Variants in WDR31 observed in about 807,000 individuals in gnomAD.
WDR31 encodes the protein WD repeat-containing protein 31.
Under a neutral mutation model 47.3 loss-of-function variants are expected in WDR31, and 30 were observed. That is an observed-to-expected ratio of 0.63 (90% confidence interval 0.47 to 0.86). WDR31 has a LOEUF of 0.86. Among genes scored for constraint, WDR31 ranks in the 40% least tolerant of loss-of-function variants. WDR31 has a pLI of 0.00. For missense variants in WDR31, 406 were observed against 442.9 expected, an observed-to-expected ratio of 0.92 and a Z score of 0.75; for synonymous variants, 137 against 159.4, an observed-to-expected ratio of 0.86 and a Z score of 1.06.
intron 4 of WDR31, among the ~76,000 whole-genome samples, chr9:113,329,516 T>C (rs538511803): frequency 5.1e-4 from 77 of 150,704 alleles, no homozygotes; most frequent in African/African-American, 1.8e-3. Context: ...GGCACATGCC[T>C]GTAATCCCAG....
intron 1 of WDR31, among the ~76,000 whole-genome samples, chr9:113,337,530 A>G (rs1287095670): frequency 6.6e-6 from 1 of 150,418 alleles, no homozygotes; most frequent in African/African-American, 2.4e-5. Context: ...CAGTGGTGCA[A>G]CCTGGGCTCA....
At chr9:113,322,730 C>G in intron 7 of WDR31, 81 bp downstream of exon 7, 1 of 1,426,022 alleles carries the variant, frequency 7.0e-7, no homozygotes, top group South Asian at 1.3e-5. Context: ...GCTCATGGGC[C>G]TCCTGATTTA....
rs1833263585 is a variant in WDR31, at chr9:113,318,657, A to G, written c.781-20T>C. 2 of 1,613,294 alleles carry G rather than the reference A, an allele frequency of 1.2e-6. No individual in the cohort carries two copies. Among genetic ancestry groups the G allele is most frequent in the Non-Finnish European group, 1.7e-6 (2 of 1,179,436 alleles). Reference sequence around the variant, plus strand: ...CCACAACTGCAAAGTAATGACATGGACCAGCTCATAGTCACTTGTCTAGCT... The same window carrying G: ...CCACAACTGCAAAGTAATGACATGGGCCAGCTCATAGTCACTTGTCTAGCT... On this transcript the variant is annotated intron_variant, in intron 9 of 10. Coordinates refer to ENST00000374193, the MANE Select transcript of WDR31 (RefSeq NM_001012361.4).
intron 4 of WDR31, 21 bp downstream of exon 4, chr9:113,330,963 G>A (rs754509648): frequency 9.6e-6 from 15 of 1,564,778 alleles, no homozygotes; most frequent in Admixed American, 5.5e-5. Flanking sequence ...TTCATTTCCC[G>A]GGAAACACTG....
intron 2 of WDR31, among the ~76,000 whole-genome samples, chr9:113,335,310 T>C (rs1446038247): frequency 3.3e-5 from 5 of 152,200 alleles, no homozygotes; most frequent in Non-Finnish European, 5.9e-5. Context: ...GAACATTTGC[T>C]GGGACCGAAG....
At chr9:113,317,059 C>G (rs1455350896) in intron 10 of WDR31, 150 bp from the exon 11 acceptor site, 1 of 995,908 alleles carries the variant, frequency 1.0e-6, no homozygotes, top group Non-Finnish European at 1.4e-6. Flanking sequence ...GAAAGCATAC[C>G]AGGGAGGTCA....
intron 8 of WDR31, among the ~76,000 whole-genome samples, chr9:113,320,883 A>G (rs796933262): frequency 1.3e-5 from 2 of 152,342 alleles, no homozygotes; most frequent in African/African-American, 4.8e-5. Flanking sequence ...ATCAGTCATC[A>G]TTCAGAATTA....
Position 113,329,195 on chromosome 9 carries a change from A to C in WDR31, c.250-240T>G, listed in dbSNP as rs2118830306. 2.0e-5 allele frequency among the ~76,000 whole-genome samples: 3 copies of C among 152,290 alleles called. No individual in the cohort carries two copies. The South Asian group carries it at 6.2e-4, about 32-fold the overall frequency. On this transcript the variant is annotated intron_variant, in intron 4 of 10. Transcript: ENST00000374193. ...CTCCGACACTGGACCACTGCTCTAAACTTACTGATGGGTTTGGGCTAACAT... is the reference window on the plus strand; with the variant it reads ...CTCCGACACTGGACCACTGCTCTAACCTTACTGATGGGTTTGGGCTAACAT...
intron 7 of WDR31, 45 bp from the exon 8 acceptor site, chr9:113,321,623 C>T: frequency 5.1e-6 from 8 of 1,566,052 alleles, no homozygotes; most frequent in Non-Finnish European, 7.0e-6. Flanking sequence ...CCAAGTCATT[C>T]CTCTGCTGTA....
At chr9:113,325,904 CTTTATTT>C (rs11470770) in intron 5 of WDR31, among the ~76,000 whole-genome samples, 28,875 of 151,594 alleles carry the variant, frequency 0.19, 4,177 homozygotes, top group African/African-American at 0.41. Context: ...CATTCACATT[CTTTATTT>C]TTTATTTTTT....
chr9:113,317,102 G>A (rs189165548), intron 10 of WDR31, among the ~76,000 whole-genome samples, 193 bp from the exon 11 acceptor site: 1 of 152,332 alleles, frequency 6.6e-6, no homozygotes, highest in Admixed American at 6.5e-5. Context: ...TTCAATGGTA[G>A]AGAATGGCAC....
At position 113,316,848 on chromosome 9, in the gene WDR31, G is replaced by C; in HGVS notation, c.1005C>G (p.Asp335Glu). The change falls in exon 11 of 11, where the codon GAC becomes GAG. Residue 335 changes from aspartate (D) to glutamate (E), a missense_variant. Coordinates refer to ENST00000374193, the MANE Select transcript of WDR31 (RefSeq NM_001012361.4). ...AACTTGCACACAATAAGGAGATGGC[G>C]TCACCAACAGCCAGAGAAGTCAAGG... is the stretch of plus-strand genomic sequence containing the variant. ...SGPLTSLAVG[D>E]AISLLCASFN... 2 of 1,614,146 alleles carry C rather than the reference G, an allele frequency of 1.2e-6. No individual in the cohort carries two copies. The highest frequency in any genetic ancestry group is 1.7e-6 in the Non-Finnish European group (2 of 1,180,028).
intron 5 of WDR31, among the ~76,000 whole-genome samples, chr9:113,324,118 T>C (rs192512091): frequency 1.3e-4 from 20 of 152,312 alleles, no homozygotes; most frequent in African/African-American, 4.8e-4. Context: ...AGTACATTCA[T>C]TGTTGTGTAA....
intron 2 of WDR31, among the ~76,000 whole-genome samples, chr9:113,332,711 C>CTAGATA: frequency 6.6e-6 from 1 of 152,200 alleles, no homozygotes; most frequent in South Asian, 2.1e-4. Context: ...TCTTAATAGG[C>CTAGATA]TAGATATAGT....
intron 7 of WDR31, among the ~76,000 whole-genome samples, chr9:113,322,466 A>G (rs1319188266): frequency 2.6e-5 from 4 of 152,228 alleles, no homozygotes; most frequent in Non-Finnish European, 5.9e-5. Context: ...TACAATAAGC[A>G]TAAGCTGTGA....
chr9:113,324,333 T>G (rs1833403601), intron 5 of WDR31, among the ~76,000 whole-genome samples: 2 of 152,118 alleles, frequency 1.3e-5, no homozygotes. Flanking sequence ...CGGCTCTTAC[T>G]TAGCATAATG....
intron 5 of WDR31, among the ~76,000 whole-genome samples, chr9:113,328,275 T>A (rs951701453): frequency 6.6e-6 from 1 of 152,202 alleles, no homozygotes; most frequent in African/African-American, 2.4e-5. Context: ...CAGAACACAA[T>A]GTATCTGGCA....
At chr9:113,339,674 C>T (rs1010792969) in intron 1 of WDR31, among the ~76,000 whole-genome samples, 5 of 152,140 alleles carry the variant, frequency 3.3e-5, no homozygotes, top group Non-Finnish European at 7.3e-5. Flanking sequence ...CTTTCTGTCG[C>T]TTCAGATGGC....
intron 1 of WDR31, among the ~76,000 whole-genome samples, chr9:113,339,476 CAAAG>C (rs1299633915): frequency 1.3e-5 from 2 of 152,114 alleles, no homozygotes; most frequent in Admixed American, 1.3e-4. Flanking sequence ...AAACAATGCT[CAAAG>C]AAAGAAAAGT....
Sources: gnomAD v4.1 joint callset for allele counts (sites outside exome capture counted in the v4.1 genomes callset) on GRCh38, gnomAD v4.1.1 for gene constraint, MANE v1.5 for transcripts, NCBI Gene and HGNC (gene_info 2026-07-23, HGNC 2026-07-21) for gene names.